The following RALYL variants were observed in gnomAD, a reference collection of about 807,000 sequenced individuals.
The protein encoded by RALYL is RALY RNA binding protein like.
A neutral mutation model predicts 35.1 loss-of-function variants in RALYL; 29 were observed. The ratio of observed to expected loss-of-function variants is 0.83; its 90% confidence interval spans 0.61 to 1.13. The LOEUF is 1.13. RALYL is among the 50% of genes most tolerant of loss of function. The pLI, the probability that RALYL is intolerant of heterozygous loss-of-function variation, is 0.00. For synonymous variants in RALYL, 120 were observed against 127.6 expected, an observed-to-expected ratio of 0.94 and a Z score of 0.40; for missense variants, 359 against 360.4, an observed-to-expected ratio of 1.00 and a Z score of 0.03.
At chr8:84,520,194 C>T (rs2058357770) in intron 1 of RALYL, among the ~76,000 whole-genome samples, 1 of 152,188 alleles carries the variant, frequency 6.6e-6, no homozygotes, top group Non-Finnish European at 1.5e-5. Flanking sequence ...ACTAGGTCAT[C>T]TTGATGAGCG....
chr8:84,442,851 T>C (rs1191945012), intron 1 of RALYL, among the ~76,000 whole-genome samples: 1 of 152,044 alleles, frequency 6.6e-6, no homozygotes, highest in Non-Finnish European at 1.5e-5. Context: ...GCATCTTCTG[T>C]TGGTCAAGGG....
At chr8:84,355,134 G>C (rs1230563959) in intron 1 of RALYL, among the ~76,000 whole-genome samples, 1 of 150,268 alleles carries the variant, frequency 6.7e-6, no homozygotes, top group African/African-American at 2.5e-5. Context: ...TTTTACTCTA[G>C]GAAAGTTATT....
intron 1 of RALYL, among the ~76,000 whole-genome samples, chr8:84,258,291 AAT>A (rs1831566741): frequency 6.6e-6 from 1 of 152,140 alleles, no homozygotes; most frequent in East Asian, 1.9e-4. Flanking sequence ...TGGCATAATT[AAT>A]ATATGACAAA....
chr8:84,836,308 G>A lies in RALYL; in HGVS notation c.366-13672G>A, dbSNP rs556506708. Among the ~76,000 whole-genome samples the A allele has an allele frequency of 6.6e-5, 10 of 152,246 alleles. No individual in the cohort carries two copies. The South Asian group carries it at 1.0e-3, about 16-fold the overall frequency. On this transcript the variant is annotated intron_variant, in intron 4 of 8. Coordinates refer to ENST00000521268, the MANE Select transcript of RALYL (RefSeq NM_173848.7). ...GACTCACAGCAAGCAAAGAATGAGA[G>A]CTTTCTTAAGTTAGGTGGATTATTT...
intron 2 of RALYL, among the ~76,000 whole-genome samples, chr8:84,771,781 A>C (rs1160895840): frequency 6.6e-6 from 1 of 152,014 alleles, no homozygotes; most frequent in Non-Finnish European, 1.5e-5. Flanking sequence ...TATATTCAAG[A>C]AACAAATCCT....
intron 1 of RALYL, among the ~76,000 whole-genome samples, chr8:84,437,336 C>T (rs1214792072): frequency 6.6e-6 from 1 of 152,136 alleles, no homozygotes; most frequent in Admixed American, 6.6e-5. Flanking sequence ...GTGCATGTGT[C>T]TTTCTAGCAG....
rs2043615189 is a variant in RALYL at position 84,407,090 on chromosome 8, A to G, written c.-23-122209A>G. 2.0e-5 allele frequency among the ~76,000 whole-genome samples: 3 copies of G among 151,692 alleles called. No individual in the cohort carries two copies. In the South Asian group the frequency reaches 6.2e-4, roughly 32 times the overall value. ...CACAAACACACACACACACACAAGA[A>G]TATATTCTGTGTGGTCTTGAATGAG... On this transcript the variant is annotated intron_variant, in intron 1 of 8. Transcript: ENST00000521268.
chr8:84,448,931 T>A (rs1193615651), intron 1 of RALYL, among the ~76,000 whole-genome samples: 1 of 152,024 alleles, frequency 6.6e-6, no homozygotes, highest in East Asian at 1.9e-4. Flanking sequence ...ACCGTCAGAA[T>A]CTGCAGCCTG....
At chr8:84,458,358 T>C (rs2050375472) in intron 1 of RALYL, among the ~76,000 whole-genome samples, 1 of 151,864 alleles carries the variant, frequency 6.6e-6, no homozygotes, top group African/African-American at 2.4e-5. Flanking sequence ...CAATTCGGTA[T>C]TTCCAACCAT....
intron 1 of RALYL, among the ~76,000 whole-genome samples, chr8:84,252,359 A>G (rs76568800): frequency 0.019 from 2,885 of 152,280 alleles, 42 homozygotes; most frequent in South Asian, 0.031. Flanking sequence ...TTTGCTTCAG[A>G]CACAAATTAA....
At chr8:84,360,206 T>A (rs1852698322) in intron 1 of RALYL, among the ~76,000 whole-genome samples, 1 of 152,178 alleles carries the variant, frequency 6.6e-6, no homozygotes, top group South Asian at 2.1e-4. Context: ...GCACAAAGTG[T>A]TACTTGAGTA....
At chr8:84,720,295 G>T (rs1843656588) in intron 2 of RALYL, among the ~76,000 whole-genome samples, 1 of 152,206 alleles carries the variant, frequency 6.6e-6, no homozygotes, top group African/African-American at 2.4e-5. Context: ...GCATGGTACT[G>T]TCATAAAAAT....
intron 4 of RALYL, among the ~76,000 whole-genome samples, chr8:84,840,533 A>G (rs532722193): frequency 6.6e-6 from 1 of 152,360 alleles, no homozygotes; most frequent in Non-Finnish European, 1.5e-5. Flanking sequence ...ACCAAGTTGG[A>G]AAACACTCTG....
chr8:84,735,366 C>G (rs896065478), intron 2 of RALYL, among the ~76,000 whole-genome samples: 2 of 151,962 alleles, frequency 1.3e-5, no homozygotes, highest in African/African-American at 4.8e-5. Flanking sequence ...GGTTAAAAAA[C>G]AAAGCAACTT....
chr8:84,309,755 A>G (rs528227430), intron 1 of RALYL, among the ~76,000 whole-genome samples: 2 of 152,326 alleles, frequency 1.3e-5, no homozygotes, highest in South Asian at 4.1e-4. Flanking sequence ...AAAAAACTTC[A>G]TAAGAAAAGA....
chr8:84,495,464 T>A (rs1275905503), intron 1 of RALYL, among the ~76,000 whole-genome samples: 2 of 152,192 alleles, frequency 1.3e-5, no homozygotes, highest in South Asian at 4.1e-4. Flanking sequence ...TTTAATTGTA[T>A]TTCTCAATTT....
intron 2 of RALYL, among the ~76,000 whole-genome samples, chr8:84,749,791 G>A (rs112910431): frequency 6.2e-4 from 95 of 152,264 alleles, no homozygotes; most frequent in African/African-American, 2.2e-3. Context: ...AACAACAGAA[G>A]CCCAAGATTT....
At chr8:84,647,717 G>C (rs774800058) in intron 2 of RALYL, among the ~76,000 whole-genome samples, 4 of 151,968 alleles carry the variant, frequency 2.6e-5, no homozygotes, top group Non-Finnish European at 5.9e-5. Context: ...TCCATGGAGG[G>C]AGATACACAA....
At chr8:84,630,831 C>CA (rs1407432096) in intron 2 of RALYL, among the ~76,000 whole-genome samples, 1 of 151,864 alleles carries the variant, frequency 6.6e-6, no homozygotes, top group Non-Finnish European at 1.5e-5. Context: ...ATAATTTAAC[C>CA]AATTCATCTG....
Sources: allele counts gnomAD v4.1 joint callset (sites outside exome capture counted in the v4.1 genomes callset), GRCh38; gene constraint gnomAD v4.1.1; transcripts MANE v1.5; gene names NCBI Gene and HGNC (gene_info 2026-07-23, HGNC 2026-07-21).